The following ZNF267 variants were observed in gnomAD, a reference collection of about 807,000 sequenced individuals.
ZNF267 encodes the protein zinc finger protein 267, also known as zinc finger (C2H2).
ZNF267 carries 61 observed loss-of-function variants against 71.6 expected under a neutral mutation model. That is an observed-to-expected ratio of 0.85 (90% CI 0.69 to 1.05). ZNF267 has a LOEUF of 1.05. Among genes scored for constraint, ZNF267 ranks in the 50% least tolerant of loss-of-function variants. ZNF267 has a pLI of 0.00. For missense variants in ZNF267, 852 were observed against 870.0 expected, an observed-to-expected ratio of 0.98 and a Z score of 0.26; for synonymous variants, 288 against 293.2, an observed-to-expected ratio of 0.98 and a Z score of 0.18.
intron 3 of ZNF267, among the ~76,000 whole-genome samples, chr16:31,892,183 G>A (rs1251059787): frequency 1.3e-5 from 2 of 152,158 alleles, no homozygotes; most frequent in Admixed American, 6.5e-5. Flanking sequence ...AGTGGAAGGC[G>A]AGGAGGAGCA....
intron 3 of ZNF267, among the ~76,000 whole-genome samples, chr16:31,906,661 C>G (rs1313925969): frequency 6.6e-6 from 1 of 152,164 alleles, no homozygotes; most frequent in Non-Finnish European, 1.5e-5. Flanking sequence ...ACCCGATTTT[C>G]CAGGTGCCGT....
intron 3 of ZNF267, chr16:31,912,951 T>G (rs953715559): frequency 9.9e-5 from 15 of 152,234 alleles, no homozygotes; most frequent in Non-Finnish European, 1.9e-4. Flanking sequence ...ACAACTATGT[T>G]GAATCATCTG....
intron 3 of ZNF267, among the ~76,000 whole-genome samples, chr16:31,904,395 C>T (rs1417132274): frequency 6.6e-6 from 1 of 152,224 alleles, no homozygotes; most frequent in Non-Finnish European, 1.5e-5. Flanking sequence ...GTTGTTAAAT[C>T]TCCCATTATT....
At chr16:31,875,058 A>AG (rs2083842437) in intron 1 of ZNF267, 1 of 1,209,854 alleles carries the variant, frequency 8.3e-7, no homozygotes, top group Non-Finnish European at 1.1e-6. Flanking sequence ...TGCAAAAAAA[A>AG]CTGTGCCTCT....
chr16:31,917,163 G>T lies in ZNF267; in HGVS notation c.*682G>T, dbSNP rs1360351183. The T allele has an allele frequency of 2.0e-5, 3 of 151,000 alleles. No homozygotes were observed. The highest frequency in any genetic ancestry group is 7.3e-5 in the African/African-American group (3 of 41,022). The allele number at this position is 151,000 out of a possible 1,614,324, so 9.4% of individuals were successfully genotyped here. On this transcript the variant is annotated 3_prime_UTR_variant, in exon 4 of 4. Coordinates refer to ENST00000300870, the MANE Select transcript of ZNF267 (RefSeq NM_003414.6). ...AAATATGTGTTCTGTTTTTTTTTCT[G>T]CATCAGAACAATGTGAGGTCATTCT...
intron 1 of ZNF267, among the ~76,000 whole-genome samples, chr16:31,877,473 C>G (rs143976077): frequency 1.5e-3 from 226 of 152,162 alleles, no homozygotes; most frequent in Non-Finnish European, 2.4e-3. Flanking sequence ...AAATCAGATT[C>G]GAGATCAGAG....
chr16:31,913,304 G>T (rs998893277), intron 3 of ZNF267: 1 of 152,198 alleles, frequency 6.6e-6, no homozygotes, highest in Non-Finnish European at 1.5e-5. Flanking sequence ...TCTTCCAGAC[G>T]AATGGAATTT....
intron 3 of ZNF267, among the ~76,000 whole-genome samples, chr16:31,891,012 A>G (rs1272740820): frequency 1.3e-5 from 2 of 151,830 alleles, no homozygotes; most frequent in African/African-American, 4.8e-5. Flanking sequence ...TCTGTTTTAT[A>G]GTTTCTTTTT....
At chr16:31,884,662 G>A in intron 2 of ZNF267, 38 bp downstream of exon 2, 1 of 1,581,108 alleles carries the variant, frequency 6.3e-7, no homozygotes, top group Non-Finnish European at 8.6e-7. Flanking sequence ...TAATAACTAA[G>A]AGTTTTATTT....
intron 3 of ZNF267, among the ~76,000 whole-genome samples, chr16:31,898,307 C>G (rs1311421245): frequency 6.6e-6 from 1 of 151,936 alleles, no homozygotes; most frequent in African/African-American, 2.4e-5. Context: ...TTTCTTTTTT[C>G]CATGCTTTCA....
At chr16:31,910,405 TA>T (rs1382681221) in intron 3 of ZNF267, among the ~76,000 whole-genome samples, 9 of 151,624 alleles carry the variant, frequency 5.9e-5, no homozygotes, top group Non-Finnish European at 1.3e-4. Context: ...GGAGACTTTT[TA>T]TTATGGCTTT....
intron 3 of ZNF267, among the ~76,000 whole-genome samples, chr16:31,889,787 C>T (rs2083947717): frequency 1.3e-5 from 2 of 152,176 alleles, no homozygotes; most frequent in South Asian, 4.1e-4. Flanking sequence ...CTATCAAGGA[C>T]AGCACCAAAG....
At chr16:31,880,632 G>T (rs891106245) in intron 1 of ZNF267, among the ~76,000 whole-genome samples, 1 of 152,170 alleles carries the variant, frequency 6.6e-6, no homozygotes, top group African/African-American at 2.4e-5. Context: ...TATATATCCT[G>T]TGCAGGCAGG....
chr16:31,894,034 T>A (rs4889517), intron 3 of ZNF267, among the ~76,000 whole-genome samples: 4 of 152,258 alleles, frequency 2.6e-5, no homozygotes, highest in East Asian at 1.9e-4. Flanking sequence ...GGCAAGTTTT[T>A]TTCTGTAGCC....
In ZNF267 at chr16:31,873,840, A is replaced by T; in HGVS notation, c.-127A>T. The stretch of plus-strand genomic sequence containing the variant: ...CTCGGGTCTCCTCGCCACAGCTCCG[A>T]GTCTTTCGTTCTGGGAGGCCCAGGC... On this transcript the variant is annotated 5_prime_UTR_variant, in exon 1 of 4. Transcript: ENST00000300870. The T allele has an allele frequency of 1.5e-6, 2 of 1,333,242 alleles. No homozygotes were observed. The highest frequency in any genetic ancestry group is 1.2e-5 in the South Asian group (1 of 83,692). The allele number at this position is 1,333,242 out of a possible 1,614,324, so 82.6% of individuals were successfully genotyped here.
chr16:31,888,773 T>G (rs2142338192), intron 3 of ZNF267, among the ~76,000 whole-genome samples: 1 of 152,072 alleles, frequency 6.6e-6, no homozygotes, highest in East Asian at 1.9e-4. Flanking sequence ...GTTTTGTTAC[T>G]TTTTTGTAGT....
intron 3 of ZNF267, chr16:31,912,250 T>G (rs2084141203): frequency 6.6e-6 from 1 of 151,748 alleles, no homozygotes; most frequent in African/African-American, 2.4e-5. Context: ...TAATGAAATC[T>G]CTCAGTGTTT....
chr16:31,902,180 T>C (rs908512344), intron 3 of ZNF267, among the ~76,000 whole-genome samples: 1 of 152,248 alleles, frequency 6.6e-6, no homozygotes, highest in Non-Finnish European at 1.5e-5. Flanking sequence ...AGTACCGTGC[T>C]GTTTTGGTTA....
At chr16:31,909,120 C>CTTTTTTTTTT (rs34409182) in intron 3 of ZNF267, among the ~76,000 whole-genome samples, 271 of 45,362 alleles carry the variant, frequency 6.0e-3, no homozygotes, top group African/African-American at 0.013. Flanking sequence ...CTTTTCTTTT[C>CTTTTTTTTTT]TTTTTTTTTT....
Sources: gnomAD v4.1 joint callset for allele counts (sites outside exome capture counted in the v4.1 genomes callset) on GRCh38, gnomAD v4.1.1 for gene constraint, MANE v1.5 for transcripts, NCBI Gene and HGNC (gene_info 2026-07-23, HGNC 2026-07-21) for gene names.